CCDC192: variants seen among roughly 807,000 people sequenced by gnomAD.
CCDC192 encodes the protein coiled-coil domain-containing protein 192.
chr5:127,783,215 C>T (rs906628356), intron 3 of CCDC192, among the ~76,000 whole-genome samples: 15 of 151,988 alleles, frequency 9.9e-5, no homozygotes, highest in African/African-American at 2.9e-4. Flanking sequence ...AGGATGGTCT[C>T]GAACTCCTGA....
At chr5:127,928,825 G>A (rs1444563855) in intron 6 of CCDC192, among the ~76,000 whole-genome samples, 1 of 151,876 alleles carries the variant, frequency 6.6e-6, no homozygotes, top group Non-Finnish European at 1.5e-5. Flanking sequence ...GAGTGCAGTG[G>A]CATGATCTTG....
intron 2 of CCDC192, 61 bp from the exon 3 acceptor site, chr5:127,754,207 T>A (rs1322309948): frequency 2.5e-6 from 1 of 397,410 alleles, no homozygotes; most frequent in Admixed American, 4.4e-5. Context: ...CATAAGATTG[T>A]TTGAGATGCA....
chr5:127,718,571 T>C (rs897512315), intron 2 of CCDC192, among the ~76,000 whole-genome samples: 2 of 152,168 alleles, frequency 1.3e-5, no homozygotes, highest in Non-Finnish European at 1.5e-5. Flanking sequence ...AATTTGGTAA[T>C]GTGAAAAAGG....
intron 5 of CCDC192, among the ~76,000 whole-genome samples, chr5:127,858,160 AAT>A (rs1458269941): frequency 6.6e-6 from 1 of 152,216 alleles, no homozygotes; most frequent in Non-Finnish European, 1.5e-5. Flanking sequence ...TACAAATATT[AAT>A]ATTATAAATC....
chr5:127,891,523 G>A (rs1311466057), intron 6 of CCDC192, among the ~76,000 whole-genome samples: 5 of 152,122 alleles, frequency 3.3e-5, no homozygotes, highest in African/African-American at 4.8e-5. Flanking sequence ...AAGGTCTCTC[G>A]TTCCACCTAG....
chr5:127,840,888 T>C (rs1476323043), intron 5 of CCDC192, among the ~76,000 whole-genome samples: 8 of 152,216 alleles, frequency 5.3e-5, no homozygotes, highest in Admixed American at 4.6e-4. Flanking sequence ...TTTTTAAGTT[T>C]GATGAATGTA....
At chr5:127,703,288 A>G, upstream of CCDC192, 1 of 392,800 alleles carries the variant, frequency 2.5e-6, no homozygotes, top group Non-Finnish European at 4.5e-6. Flanking sequence ...TGTAACGGAG[A>G]TTTTTTTCTT....
chr5:127,900,530 C>T (rs1384562491), intron 6 of CCDC192, among the ~76,000 whole-genome samples: 2 of 152,208 alleles, frequency 1.3e-5, no homozygotes, highest in East Asian at 3.8e-4. Flanking sequence ...TTTTGAAGGT[C>T]AGAAGCTGAA....
intron 2 of CCDC192, among the ~76,000 whole-genome samples, chr5:127,708,513 G>T (rs138323332): frequency 6.6e-6 from 1 of 152,306 alleles, no homozygotes. Flanking sequence ...CTCCACCAGA[G>T]ATATTTCTGG....
intron 6 of CCDC192, 128 bp downstream of exon 6, chr5:127,875,789 A>G (rs1301626996): frequency 2.5e-6 from 1 of 393,932 alleles, no homozygotes. Flanking sequence ...ACCAGTAGAG[A>G]CAGCACATGA....
At chr5:127,736,923 A>G (rs1282234375) in intron 2 of CCDC192, among the ~76,000 whole-genome samples, 225 of 149,558 alleles carry the variant, frequency 1.5e-3, no homozygotes, top group African/African-American at 5.3e-3. Flanking sequence ...TTGTGTCTCT[A>G]TTTCCTTCAG....
chr5:127,724,497 CTCA>C (rs1452071554), intron 2 of CCDC192, among the ~76,000 whole-genome samples: 1 of 152,056 alleles, frequency 6.6e-6, no homozygotes, highest in Non-Finnish European at 1.5e-5. Context: ...TTTGTGATCA[CTCA>C]TCATGTAATG....
intron 2 of CCDC192, among the ~76,000 whole-genome samples, chr5:127,752,399 G>T (rs1350347599): frequency 6.6e-6 from 1 of 152,172 alleles, no homozygotes; most frequent in Admixed American, 6.5e-5. Context: ...GCCCCTGCTG[G>T]AGGGTGCCTC....
chr5:127,772,649 A>T (rs989280617), intron 3 of CCDC192, among the ~76,000 whole-genome samples: 2 of 152,130 alleles, frequency 1.3e-5, no homozygotes, highest in African/African-American at 4.8e-5. Context: ...AAAATCTGGT[A>T]AAAATCCTCC....
chr5:127,800,400 AAC>A (rs1399868602), intron 5 of CCDC192, among the ~76,000 whole-genome samples: 77 of 79,064 alleles, frequency 9.7e-4, no homozygotes, highest in Middle Eastern at 8.5e-3. Context: ...AAAAAAAAAA[AAC>A]AACAACAACA....
chr5:127,751,818 G>T (rs181878419), intron 2 of CCDC192, among the ~76,000 whole-genome samples: 2,432 of 152,104 alleles, frequency 0.016, 32 homozygotes, highest in African/African-American at 0.037. Context: ...TCATTTCTTT[G>T]TATTCTTTTT....
intron 5 of CCDC192, among the ~76,000 whole-genome samples, chr5:127,861,391 A>G (rs1751363457): frequency 6.6e-6 from 1 of 150,678 alleles, no homozygotes; most frequent in South Asian, 2.1e-4. Flanking sequence ...ACAGTGGCTC[A>G]TGCCTGTAAT....
intron 2 of CCDC192, among the ~76,000 whole-genome samples, chr5:127,733,761 A>G (rs1341681369): frequency 6.6e-6 from 1 of 151,858 alleles, no homozygotes; most frequent in Admixed American, 6.6e-5. Flanking sequence ...AGCCTCTGAA[A>G]ACAGAATGAC....
chr5:127,825,443 C>T (rs1219266902), intron 5 of CCDC192, among the ~76,000 whole-genome samples: 4 of 152,174 alleles, frequency 2.6e-5, no homozygotes, highest in Non-Finnish European at 4.4e-5. Context: ...AACCTCTCAG[C>T]AGCATCCCAG....
Sources: gnomAD v4.1 joint callset for allele counts (sites outside exome capture counted in the v4.1 genomes callset) on GRCh38, gnomAD v4.1.1 for gene constraint, MANE v1.5 for transcripts, NCBI Gene and HGNC (gene_info 2026-07-23, HGNC 2026-07-21) for gene names.